Variants in EMC3 observed in about 807,000 individuals in gnomAD.
EMC3 encodes the protein ER membrane protein complex subunit 3, also known as 30 kDa protein.
In EMC3, 13 loss-of-function variants were observed where a neutral mutation model predicts 36.6. That is an observed-to-expected ratio of 0.35 (90% CI 0.23 to 0.56). The LOEUF (loss-of-function observed/expected upper bound fraction) is 0.56, where lower values mean the gene tolerates loss of function less well. Among genes scored for constraint, EMC3 ranks in the 20% least tolerant of loss-of-function variants. The probability of loss-of-function intolerance (pLI) is 0.84; values close to 1 mark genes in which losing one functional copy is unlikely to be tolerated. For missense variants in EMC3, 220 were observed against 324.5 expected, an observed-to-expected ratio of 0.68 and a Z score of 2.47; for synonymous variants, 120 against 111.9, an observed-to-expected ratio of 1.07 and a Z score of -0.46.
rs2085704524 is a variant in EMC3 at position 9,963,317 on chromosome 3, A to C, written c.*752T>G. The C allele has an allele frequency of 2.0e-5, 3 of 152,084 alleles. No homozygotes were observed. The South Asian group carries it at 6.2e-4, about 32-fold the overall frequency. The allele number at this position is 152,084 out of a possible 1,614,324, so 9.4% of individuals were successfully genotyped here. On this transcript the variant is annotated 3_prime_UTR_variant, in exon 8 of 8. Transcript: ENST00000245046. ...GTAAAGAAAGTTAACAATACTAACA[A>C]AACTAATGGTAAAACACAGGGTGTT...
At chr3:9,994,969 G>T (rs2086105532) in intron 1 of EMC3, among the ~76,000 whole-genome samples, 6 of 98,386 alleles carry the variant, frequency 6.1e-5, no homozygotes, top group Admixed American at 5.3e-4. Context: ...TTTTGTATTT[G>T]TACATATATT....
chr3:9,977,199 T>G, intron 2 of EMC3, 149 bp from the exon 3 acceptor site: 2 of 856,260 alleles, frequency 2.3e-6, no homozygotes, highest in Non-Finnish European at 3.6e-6. Flanking sequence ...CCTGACACTT[T>G]AGCTGAGTCA....
chr3:10,007,456 G>T, intron 1 of EMC3: 1 of 1,367,712 alleles, frequency 7.3e-7, no homozygotes, highest in Non-Finnish European at 9.8e-7. Flanking sequence ...GTTCTGCTGG[G>T]CTCCTGGCTG....
chr3:9,968,996 T>A (rs2085759485), intron 7 of EMC3: 1 of 152,218 alleles, frequency 6.6e-6, no homozygotes, highest in Admixed American at 6.6e-5. Flanking sequence ...ATTTTTTTTT[T>A]GTATCTTTAG....
intron 1 of EMC3, chr3:10,008,608 G>A: frequency 2.2e-6 from 1 of 447,086 alleles, no homozygotes; most frequent in South Asian, 1.8e-5. Context: ...GTCCAGGTGA[G>A]GAAACTGAGG....
chr3:10,002,942 T>C (rs13088350), intron 1 of EMC3: 96,018 of 453,484 alleles, frequency 0.21, 11,339 homozygotes, highest in African/African-American at 0.36. Context: ...GTCCCAGAAA[T>C]GTCCCTGGCT....
chr3:10,006,913 G>A (rs983096289), intron 1 of EMC3: 5 of 324,448 alleles, frequency 1.5e-5, no homozygotes, highest in East Asian at 9.9e-5. Flanking sequence ...TCGTCTGCCC[G>A]GCAACGTGGG....
rs1553602259 is a variant in EMC3 at position 9,963,454 on chromosome 3, GATATATAT to G, written c.*607_*614del. On this transcript the variant is annotated 3_prime_UTR_variant, in exon 8 of 8. Coordinates refer to ENST00000245046, the MANE Select transcript of EMC3 (RefSeq NM_001394674.1). ...CGAAGACTGGGCTTCTGCTAAGATA[GATATATAT>G]ATATATATATATATATTTTTTTTTT... 2.0e-5 allele frequency: 2 copies of G among 99,716 alleles called. No homozygotes were observed. Among genetic ancestry groups the G allele is most frequent in the East Asian group, 2.5e-4 (1 of 4,000 alleles). The allele number at this position is 99,716 out of a possible 1,614,324, so 6.2% of individuals were successfully genotyped here.
intron 5 of EMC3, among the ~76,000 whole-genome samples, chr3:9,971,658 G>T (rs1462596697): frequency 6.6e-6 from 1 of 152,168 alleles, no homozygotes; most frequent in African/African-American, 2.4e-5. Flanking sequence ...TCCAACCCAT[G>T]AAGTTTTTGT....
intron 7 of EMC3, among the ~76,000 whole-genome samples, chr3:9,964,705 C>A (rs2085719997): frequency 6.6e-6 from 1 of 152,206 alleles, no homozygotes. Flanking sequence ...CTTCCTCCAA[C>A]CTTATGTCCA....
chr3:9,992,773 G>A lies in EMC3; in HGVS notation c.-241-5871C>T, dbSNP rs1238610007. The A allele has an allele frequency of 5.3e-6, 4 of 760,716 alleles. 1 individual carries two copies. The highest frequency in any genetic ancestry group is 5.0e-5 in the Admixed American group (2 of 39,968). 47.1% of individuals were successfully genotyped at this position (760,716 alleles called of 1,614,324 possible). A position where few individuals can be genotyped will look rare whatever the true frequency, so the allele number is the denominator to read the frequency against. ...TACCAGGGGAGTGTGTGGAACAAAT[G>A]AGCATCATCCATTGTGTGTTTTAAT... On this transcript the variant is annotated intron_variant, in intron 1 of 8. Coordinates refer to the EMC3 transcript ENST00000470827.
chr3:9,964,077 T>A lies in EMC3; in HGVS notation c.778A>T (p.Ile260Phe), dbSNP rs756743265. The A allele has an allele frequency of 7.4e-6, 12 of 1,613,992 alleles. No individual in the cohort carries two copies. The highest frequency in any genetic ancestry group is 4.0e-5 in the African/African-American group (3 of 74,894). The change falls in exon 8 of 8, where the codon ATT becomes TTT. Residue 260 changes from isoleucine to phenylalanine, a missense_variant. Coordinates refer to ENST00000245046, the MANE Select transcript of EMC3 (RefSeq NM_001394674.1). ...TAATCCCTGCTCGGTCTTCAAAAAA[T>A]AGAGGTCTGTAATTCCTTTTTGAAC... ...GMFKKELQTS[I>F]F is the part of the protein sequence containing the mutation.
chr3:10,009,776 C>A (rs1034820264), intron 1 of EMC3: 2 of 152,298 alleles, frequency 1.3e-5, no homozygotes, highest in African/African-American at 4.8e-5. Context: ...TGTCTGGCTG[C>A]AGACGACAAC....
chr3:9,994,439 A>T (rs1575695141), intron 1 of EMC3: 4 of 511,986 alleles, frequency 7.8e-6, no homozygotes, highest in African/African-American at 1.9e-5. Flanking sequence ...ACTGGGTCTC[A>T]GGAAAGCTCA....
At position 9,969,890 on chromosome 3, in the gene EMC3, G is replaced by T. The variant is rs1412047337; in HGVS notation, c.575-89C>A. The T allele has an allele frequency of 6.5e-6, 10 of 1,542,748 alleles. No individual in the cohort carries two copies. The East Asian group carries it at 2.3e-4, about 35-fold the overall frequency. On this transcript the variant is annotated intron_variant, in intron 6 of 7. Transcript: ENST00000245046. ...AAGAATGGGCTTCACACAGATTAGA[G>T]AACTGGACTACAGCCTCACTGGCTG... is the stretch of plus-strand genomic sequence containing the variant.
upstream of EMC3, among the ~76,000 whole-genome samples, chr3:9,987,560 G>A (rs2085992485): frequency 6.6e-6 from 1 of 152,206 alleles, no homozygotes; most frequent in African/African-American, 2.4e-5. Flanking sequence ...ACGTGTTAAA[G>A]GCGGGTGTCT....
intron 7 of EMC3, 105 bp from the exon 8 acceptor site, chr3:9,964,302 T>C: frequency 6.7e-7 from 1 of 1,494,020 alleles, no homozygotes; most frequent in East Asian, 2.3e-5. Flanking sequence ...TGGAGTGAGC[T>C]ATCTGCATGT....
chr3:9,998,106 C>T (rs1373136226), intron 1 of EMC3, among the ~76,000 whole-genome samples: 1 of 151,964 alleles, frequency 6.6e-6, no homozygotes, highest in Non-Finnish European at 1.5e-5. Flanking sequence ...GTGGCTCACA[C>T]CTGTAATCCC....
intron 1 of EMC3, chr3:10,008,429 C>G: frequency 7.3e-7 from 1 of 1,367,716 alleles, no homozygotes; most frequent in Non-Finnish European, 9.8e-7. Flanking sequence ...GGCCGGGCAA[C>G]CTTGGCTTGT....
Sources: gnomAD v4.1 joint callset for allele counts (sites outside exome capture counted in the v4.1 genomes callset) on GRCh38, gnomAD v4.1.1 for gene constraint, MANE v1.5 for transcripts, NCBI Gene and HGNC (gene_info 2026-07-23, HGNC 2026-07-21) for gene names.